COL14A1: variants seen among roughly 807,000 people sequenced by gnomAD.
COL14A1 encodes the protein collagen type XIV alpha 1 chain.
In COL14A1, 136 loss-of-function variants were observed where a neutral mutation model predicts 230.3. The ratio of observed to expected loss-of-function variants is 0.59; its 90% confidence interval spans 0.51 to 0.68. The LOEUF (loss-of-function observed/expected upper bound fraction) is 0.68, where lower values mean the gene tolerates loss of function less well. Ranked by LOEUF, COL14A1 falls within the 30% of genes least tolerant of loss-of-function variation. The pLI is 0.00. For synonymous variants in COL14A1, 792 were observed against 784.1 expected, an observed-to-expected ratio of 1.01 and a Z score of -0.17; for missense variants, 1,976 against 2,215.8, an observed-to-expected ratio of 0.89 and a Z score of 2.17.
chr8:120,237,980 C>G (rs1324883608), intron 19 of COL14A1, among the ~76,000 whole-genome samples: 1 of 152,198 alleles, frequency 6.6e-6, no homozygotes, highest in Non-Finnish European at 1.5e-5. Context: ...GCTCCTTCCT[C>G]TGGAAGCTTC....
At chr8:120,244,253 T>C (rs1400481687) in intron 20 of COL14A1, among the ~76,000 whole-genome samples, 1 of 152,196 alleles carries the variant, frequency 6.6e-6, no homozygotes, top group Non-Finnish European at 1.5e-5. Flanking sequence ...AACTACATCT[T>C]TCTCTTCCAG....
At chr8:120,171,831 C>T (rs1008881037) in intron 5 of COL14A1, among the ~76,000 whole-genome samples, 16 of 152,020 alleles carry the variant, frequency 1.1e-4, no homozygotes, top group African/African-American at 3.6e-4. Flanking sequence ...AGATTTATGA[C>T]AGTTTCTTTT....
At chr8:120,228,128 C>T (rs779327208) in intron 17 of COL14A1, among the ~76,000 whole-genome samples, 3 of 152,074 alleles carry the variant, frequency 2.0e-5, no homozygotes, top group Non-Finnish European at 2.9e-5. Flanking sequence ...TGAGCCATTC[C>T]CTGACAGAGG....
chr8:120,179,153 G>T (rs1314653589), intron 5 of COL14A1, among the ~76,000 whole-genome samples: 3 of 152,070 alleles, frequency 2.0e-5, no homozygotes, highest in Non-Finnish European at 4.4e-5. Flanking sequence ...CTTTGCCCAT[G>T]CCTATGTCCT....
intron 40 of COL14A1, among the ~76,000 whole-genome samples, chr8:120,331,640 G>T (rs1821869227): frequency 6.6e-6 from 1 of 152,160 alleles, no homozygotes; most frequent in Non-Finnish European, 1.5e-5. Flanking sequence ...AATCTGTCCA[G>T]TAGTCAAAGC....
Position 120,255,220 on chromosome 8 carries a change from A to T in COL14A1, c.2753-20A>T. The T allele has an allele frequency of 6.3e-7, 1 of 1,575,668 alleles. No individual in the cohort carries two copies. The highest frequency in any genetic ancestry group is 8.7e-7 in the Non-Finnish European group (1 of 1,144,942). ...GTGTTGTCTGCGGTGTGATACAGTTATGTTTCTATTTCATTCCAGTGTTCT... is the reference window on the plus strand; with the variant it reads ...GTGTTGTCTGCGGTGTGATACAGTTTTGTTTCTATTTCATTCCAGTGTTCT... On this transcript the variant is annotated intron_variant, in intron 22 of 47. Transcript: ENST00000297848.
intron 5 of COL14A1, among the ~76,000 whole-genome samples, chr8:120,186,566 G>A (rs184875630): frequency 6.6e-5 from 10 of 152,244 alleles, no homozygotes; most frequent in African/African-American, 2.4e-4. Flanking sequence ...CTCTCCTTTC[G>A]TTCAACTTAG....
chr8:120,206,923 G>T lies in COL14A1; in HGVS notation c.1040-20G>T. ...ATAACTTTGGGTAAGAGGTTTATTT[G>T]ATATGTTTTTTTAATTTAGCCTCAG... On this transcript the variant is annotated intron_variant, in intron 9 of 47. Coordinates refer to ENST00000297848, the MANE Select transcript of COL14A1 (RefSeq NM_021110.4). 6.3e-7 allele frequency: 1 copy of T among 1,587,542 alleles called. No individual in the cohort carries two copies. The highest frequency in any genetic ancestry group is 8.5e-7 in the Non-Finnish European group (1 of 1,170,704).
At chr8:120,256,242 C>T (rs1819146669) in intron 23 of COL14A1, among the ~76,000 whole-genome samples, 1 of 152,046 alleles carries the variant, frequency 6.6e-6, no homozygotes, top group Non-Finnish European at 1.5e-5. Context: ...CTTGGTTTCC[C>T]CATTTCAGAA....
chr8:120,182,472 T>C (rs1816492398), intron 5 of COL14A1, among the ~76,000 whole-genome samples: 1 of 152,180 alleles, frequency 6.6e-6, no homozygotes, highest in South Asian at 2.1e-4. Flanking sequence ...AATTGAGTTG[T>C]GTTTTGTGAA....
At chr8:120,253,484 C>G (rs1383750274) in intron 22 of COL14A1, among the ~76,000 whole-genome samples, 1 of 152,056 alleles carries the variant, frequency 6.6e-6, no homozygotes, top group Admixed American at 6.6e-5. Flanking sequence ...TAGTCTTGTC[C>G]TTAAAATATA....
intron 20 of COL14A1, 66 bp from the exon 21 acceptor site, chr8:120,247,547 A>G: frequency 1.4e-6 from 2 of 1,417,798 alleles, no homozygotes; most frequent in East Asian, 2.4e-5. Context: ...TTTTGATGGC[A>G]TCAGTGTAGG....
Position 120,127,364 on chromosome 8 carries a change from G to A in COL14A1, c.-38+2024G>A, listed in dbSNP as rs542770829. Reference sequence around the variant, plus strand: ...TGTGGGTCCCTTTGAAAGGACAGGCGCCCCACTGGTAAGGCCTCTTAGTAA... The same window carrying A: ...TGTGGGTCCCTTTGAAAGGACAGGCACCCCACTGGTAAGGCCTCTTAGTAA... On this transcript the variant is annotated intron_variant, in intron 1 of 47. Coordinates refer to ENST00000297848, the MANE Select transcript of COL14A1 (RefSeq NM_021110.4). Among the ~76,000 whole-genome samples, 63 of 152,262 alleles carry A rather than the reference G, an allele frequency of 4.1e-4. No individual in the cohort carries two copies. In the South Asian group the frequency reaches 0.012, roughly 30 times the overall value.
chr8:120,254,819 T>G (rs1038662766), intron 22 of COL14A1, among the ~76,000 whole-genome samples: 1 of 36,176 alleles, frequency 2.8e-5, no homozygotes, highest in African/African-American at 1.2e-4. Context: ...ACACTGCCTC[T>G]ACAAAAAAAA....
At chr8:120,317,559 G>A (rs1215157891) in intron 40 of COL14A1, among the ~76,000 whole-genome samples, 1 of 152,206 alleles carries the variant, frequency 6.6e-6, no homozygotes, top group African/African-American at 2.4e-5. Context: ...CTAAGATCCT[G>A]TGTGGTTACA....
intron 1 of COL14A1, among the ~76,000 whole-genome samples, chr8:120,135,160 A>T (rs1814668047): frequency 6.6e-6 from 1 of 152,246 alleles, no homozygotes; most frequent in Non-Finnish European, 1.5e-5. Flanking sequence ...AGAATTTGTA[A>T]ATATCAGAGC....
At chr8:120,259,967 A>C (rs1819272728) in intron 23 of COL14A1, among the ~76,000 whole-genome samples, 2 of 152,194 alleles carry the variant, frequency 1.3e-5, no homozygotes, top group South Asian at 4.1e-4. Context: ...CACTGAGTTG[A>C]CTAAATTTTA....
At chr8:120,163,256 A>G (rs910852242) in intron 4 of COL14A1, among the ~76,000 whole-genome samples, 1 of 152,200 alleles carries the variant, frequency 6.6e-6, no homozygotes, top group African/African-American at 2.4e-5. Context: ...GGACTCTGTG[A>G]AGAGAGGTAC....
chr8:120,216,305 A>G (rs755022578), intron 13 of COL14A1, 46 bp from the exon 14 acceptor site: 2 of 1,537,136 alleles, frequency 1.3e-6, no homozygotes, highest in Non-Finnish European at 1.8e-6. Flanking sequence ...TTTTACATGT[A>G]TGTAATTTGA....
Sources: allele counts gnomAD v4.1 joint callset (sites outside exome capture counted in the v4.1 genomes callset), GRCh38; gene constraint gnomAD v4.1.1; transcripts MANE v1.5; gene names NCBI Gene and HGNC (gene_info 2026-07-23, HGNC 2026-07-21).